HSDL1: variants seen among roughly 807,000 people sequenced by gnomAD.
The protein encoded by HSDL1 is inactive hydroxysteroid dehydrogenase-like protein 1.
In HSDL1, 29 loss-of-function variants were observed where a neutral mutation model predicts 31.5. The ratio of observed to expected loss-of-function variants is 0.92; its 90% CI spans 0.69 to 1.26. The LOEUF is 1.26. HSDL1 is among the 50% of genes most tolerant of loss of function. The pLI is 0.00. For missense variants in HSDL1, 503 were observed against 416.6 expected (o/e 1.21, Z -1.81); for synonymous variants, 222 against 155.2 (o/e 1.43, Z -3.20).
rs553134617 is a variant in HSDL1, at chr16:84,122,645, C to G, written c.*1985G>C. ...GGGATTACAGGTGTGAGCCACCGCA[C>G]TCGGCCCCTATTTCCCACATTCTTA... is the stretch of plus-strand genomic sequence containing the variant. On this transcript the variant is annotated 3_prime_UTR_variant, in exon 6 of 6. Transcript: ENST00000219439. 6.6e-6 allele frequency: 1 copy of G among 152,260 alleles called. No individual in the cohort carries two copies. The highest frequency in any genetic ancestry group is 1.5e-5 in the Non-Finnish European group (1 of 68,076). 9.4% of individuals were successfully genotyped at this position (152,260 alleles called of 1,614,324 possible).
At chr16:84,134,565 T>C (rs62045762) in intron 2 of HSDL1, among the ~76,000 whole-genome samples, 20,142 of 151,972 alleles carry the variant, frequency 0.13, 1,520 homozygotes, top group South Asian at 0.24. Context: ...TGAGCCAAGA[T>C]TGCACCACTG....
Position 84,130,281 on chromosome 16 carries a change from G to T in HSDL1, c.371C>A (p.Ala124Glu), listed in dbSNP as rs746851971. ...TYKVETDIIVADFSSGREIYL... is the reference protein window; with the variant it reads ...TYKVETDIIVEDFSSGREIYL... The stretch of plus-strand genomic sequence containing the variant: ...GATCTCACGACCGCTGCTGAAGTCC[G>T]CAACTATAATATCAGTTTCCACTTT... Residue 124 changes from alanine to glutamate, a missense_variant, in exon 4 of 6, where the codon GCG becomes GAG. Transcript: ENST00000219439. The T allele has an allele frequency of 1.2e-6, 2 of 1,614,142 alleles. No homozygotes were observed. The highest frequency in any genetic ancestry group is 1.7e-6 in the Non-Finnish European group (2 of 1,180,032).
At chr16:84,141,234 G>A (rs1356756806) in intron 1 of HSDL1, among the ~76,000 whole-genome samples, 1 of 147,570 alleles carries the variant, frequency 6.8e-6, no homozygotes, top group African/African-American at 2.6e-5. Flanking sequence ...CAGCTATATA[G>A]TCCATCCTCC....
At chr16:84,130,988 G>A in intron 3 of HSDL1, 114 bp downstream of exon 3, 1 of 849,822 alleles carries the variant, frequency 1.2e-6, no homozygotes, top group South Asian at 1.7e-5. Context: ...GGAGCCATAA[G>A]TTTTATTTTT....
At chr16:84,140,052 C>G (rs2086750521) in intron 1 of HSDL1, among the ~76,000 whole-genome samples, 1 of 152,156 alleles carries the variant, frequency 6.6e-6, no homozygotes, top group Non-Finnish European at 1.5e-5. Flanking sequence ...TGGGGAGAAA[C>G]TTCCCTTCCT....
rs553934270 is a variant in HSDL1, at chr16:84,128,392, T to TA, written c.894+1155dup. Among the ~76,000 whole-genome samples, 1,086 of 152,304 alleles carry TA rather than the reference T, an allele frequency of 7.1e-3. 16 individuals are homozygous for TA. Among genetic ancestry groups the TA allele is most frequent in the African/African-American group, 0.021 (884 of 41,554 alleles). ...AATTATGCATTCTCAAATTAATACT[T>TA]ACGATCACAATTTCAAATATCTAAG... On this transcript the variant is annotated intron_variant, in intron 5 of 5. Coordinates refer to ENST00000219439, the MANE Select transcript of HSDL1 (RefSeq NM_031463.5).
At chr16:84,131,043 T>G in intron 3 of HSDL1, 59 bp downstream of exon 3, 5 of 1,320,868 alleles carry the variant, frequency 3.8e-6, no homozygotes, top group Non-Finnish European at 5.4e-6. Flanking sequence ...ATTCAATAGC[T>G]CCTTGAATAA....
chr16:84,125,234 C>CCAATCACAACAAATACCCACCAAT (rs1555516323), intron 5 of HSDL1: 1 of 156,692 alleles, frequency 6.4e-6, no homozygotes, highest in South Asian at 1.7e-4. Context: ...CAAATACCCA[C>CCAATCACAACAAATACCCACCAAT]CAATCACAAC....
chr16:84,127,179 G>T (rs2086616787), intron 5 of HSDL1, among the ~76,000 whole-genome samples: 1 of 148,474 alleles, frequency 6.7e-6, no homozygotes. Flanking sequence ...AAAGGACCTG[G>T]AAACAACTAC....
At position 84,123,675 on chromosome 16, in the gene HSDL1, GAAT is replaced by G. The variant is rs1378018117; in HGVS notation, c.*952_*954del. 6.6e-6 allele frequency: 1 copy of G among 152,538 alleles called. No homozygotes were observed. Among genetic ancestry groups the G allele is most frequent in the Non-Finnish European group, 1.5e-5 (1 of 68,026 alleles). 9.4% of individuals were successfully genotyped at this position (152,538 alleles called of 1,614,324 possible). The stretch of plus-strand genomic sequence containing the variant: ...TTCTATCAATAATGCTACTGGAATG[GAAT>G]AATATTACATAGAAAAACGTAGGAA... On this transcript the variant is annotated 3_prime_UTR_variant, in exon 6 of 6. Transcript: ENST00000219439.
rs2086571788 is a variant in HSDL1, at chr16:84,123,194, G to C, written c.*1436C>G. 1 of 152,154 alleles carries C rather than the reference G, an allele frequency of 6.6e-6. No homozygotes were observed. The allele number at this position is 152,154 out of a possible 1,614,324, so 9.4% of individuals were successfully genotyped here. ...GATCTTCTGAGTGCAAGTCACATCT[G>C]GAAATCCTGTAGGCAATGTCATGGG... is the stretch of plus-strand genomic sequence containing the variant. On this transcript the variant is annotated 3_prime_UTR_variant, in exon 6 of 6. Coordinates refer to ENST00000219439, the MANE Select transcript of HSDL1 (RefSeq NM_031463.5).
rs1567519543 is a variant in HSDL1 at position 84,129,795 on chromosome 16, G to A, written c.667-20C>T. The A allele has an allele frequency of 6.3e-7, 1 of 1,575,962 alleles. No individual in the cohort carries two copies. The highest frequency in any genetic ancestry group is 1.1e-5 in the South Asian group (1 of 87,752). Reference sequence around the variant, plus strand: ...ATAAGCCTGTTGAGACAGAGGGGAGGAAAAGACTTTTAATTCTGGGTGAAC... The same window carrying A: ...ATAAGCCTGTTGAGACAGAGGGGAGAAAAAGACTTTTAATTCTGGGTGAAC... On this transcript the variant is annotated intron_variant, in intron 4 of 5. Transcript: ENST00000219439.
intron 1 of HSDL1, among the ~76,000 whole-genome samples, chr16:84,140,773 A>G (rs2086758766): frequency 6.6e-6 from 1 of 151,974 alleles, no homozygotes; most frequent in African/African-American, 2.4e-5. Flanking sequence ...CTTTTAACAA[A>G]ACAGCTGTAT....
Position 84,130,136 on chromosome 16 carries a change from G to T in HSDL1, c.516C>A (p.Asp172Glu). The T allele has an allele frequency of 1.2e-6, 2 of 1,614,168 alleles. No individual in the cohort carries two copies. The highest frequency in any genetic ancestry group is 1.7e-6 in the Non-Finnish European group (2 of 1,180,036). Reference sequence around the variant, plus strand: ...CGGCGGCAATGTTCACATTTATGATGTCCCAGAGCTTGTCCTCGGACAGCT... The same window carrying T: ...CGGCGGCAATGTTCACATTTATGATTTCCCAGAGCTTGTCCTCGGACAGCT... Reference protein sequence around the residue: ...FTQLSEDKLWDIINVNIAAAS... With the variant: ...FTQLSEDKLWEIINVNIAAAS... Residue 172 changes from aspartate to glutamate, a missense_variant, in exon 4 of 6, where the codon GAC (aspartate) becomes GAA (glutamate). Transcript: ENST00000219439.
At chr16:84,135,188 G>A (rs1242670293) in intron 2 of HSDL1, among the ~76,000 whole-genome samples, 3 of 151,478 alleles carry the variant, frequency 2.0e-5, no homozygotes. Context: ...AGCCAAGATC[G>A]CGCCACTGCA....
rs376211178 is a variant in HSDL1, at chr16:84,131,096, G to A, written c.220+6C>T. ...AAAAGATTATTTTGATTATAAAGTA[G>A]GTTACCGCTGACAACGGCCCATCTT... On this transcript the variant is annotated splice_donor_region_variant and intron_variant, in intron 3 of 5. Coordinates refer to ENST00000219439, the MANE Select transcript of HSDL1 (RefSeq NM_031463.5). 7.2e-5 allele frequency: 115 copies of A among 1,599,006 alleles called. No individual in the cohort carries two copies. The African/African-American group carries it at 1.4e-3, about 19-fold the overall frequency.
In HSDL1 at chr16:84,129,617, A is replaced by G; in HGVS notation, c.825T>C (p.Tyr275=). 1.2e-6 allele frequency: 2 copies of G among 1,614,254 alleles called. No individual in the cohort carries two copies. Among genetic ancestry groups the G allele is most frequent in the Non-Finnish European group, 1.7e-6 (2 of 1,180,046 alleles). ...CAAGAGTAGAAACAGCATGATGTGC[A>G]TAGACTTTTGGCGAAGGCACCAACC... ...CSWLVPSPKV[Y]AHHAVSTLGI... is the part of the protein sequence containing the mutation. Residue 275 remains tyrosine (Y), a synonymous_variant, in exon 5 of 6, where the codon TAT becomes TAC. Transcript: ENST00000219439.
intron 5 of HSDL1, among the ~76,000 whole-genome samples, chr16:84,126,865 A>C (rs2086612421): frequency 6.6e-6 from 1 of 152,242 alleles, no homozygotes; most frequent in Non-Finnish European, 1.5e-5. Context: ...ATAAAAAATG[A>C]TAGTGTTGAA....
rs2086577813 is a variant in HSDL1 at position 84,123,867 on chromosome 16, T to TCA, written c.*762_*763insTG. 6.6e-6 allele frequency: 1 copy of TCA among 152,170 alleles called. No individual in the cohort carries two copies. The highest frequency in any genetic ancestry group is 1.5e-5 in the Non-Finnish European group (1 of 68,012). 9.4% of individuals were successfully genotyped at this position (152,170 alleles called of 1,614,324 possible). A position where few individuals can be genotyped will look rare whatever the true frequency, so the allele number is the denominator to read the frequency against. ...GAATAAGTTCATTCCATAGCAGATT[T>TCA]GAAAAAACACAAATATAATGTAGGA... On this transcript the variant is annotated 3_prime_UTR_variant, in exon 6 of 6. Transcript: ENST00000219439.
Sources: gnomAD v4.1 joint callset for allele counts (sites outside exome capture counted in the v4.1 genomes callset) on GRCh38, gnomAD v4.1.1 for gene constraint, MANE v1.5 for transcripts, NCBI Gene and HGNC (gene_info 2026-07-23, HGNC 2026-07-21) for gene names.